Variants in GRIA4 observed in about 807,000 individuals in gnomAD.
GRIA4 encodes the protein glutamate receptor 4.
A neutral mutation model predicts 104.0 loss-of-function variants in GRIA4; 34 were observed. The observed-to-expected ratio is 0.33, with a 90% CI of 0.25 to 0.44. The LOEUF is 0.44. Ranked by LOEUF, GRIA4 falls within the 20% of genes least tolerant of loss-of-function variation. GRIA4 has a pLI of 1.00. For missense variants in GRIA4, 750 were observed against 1,096.5 expected (o/e 0.68, Z 4.46); for synonymous variants, 386 against 381.9 (o/e 1.01, Z -0.13).
chr11:105,713,857 G>A (rs1210090628), intron 3 of GRIA4, among the ~76,000 whole-genome samples: 1 of 152,152 alleles, frequency 6.6e-6, no homozygotes, highest in Non-Finnish European at 1.5e-5. Flanking sequence ...ATTAACAACA[G>A]ACCCAGAGGA....
At chr11:105,880,814 C>A (rs1031161616) in intron 5 of GRIA4, among the ~76,000 whole-genome samples, 14 of 152,032 alleles carry the variant, frequency 9.2e-5, no homozygotes, top group African/African-American at 3.1e-4. Context: ...CTTATGCAAC[C>A]TGAGTTTTTA....
At chr11:105,769,440 A>C (rs189981404) in intron 4 of GRIA4, among the ~76,000 whole-genome samples, 133 of 152,174 alleles carry the variant, frequency 8.7e-4, no homozygotes, top group Middle Eastern at 6.8e-3. Flanking sequence ...CATGAGTATG[A>C]TATATTATGC....
chr11:105,827,262 T>A (rs989724355), intron 4 of GRIA4, among the ~76,000 whole-genome samples: 1 of 151,994 alleles, frequency 6.6e-6, no homozygotes, highest in Non-Finnish European at 1.5e-5. Context: ...AGACTAAGAA[T>A]CAAGAAAATA....
intron 4 of GRIA4, among the ~76,000 whole-genome samples, chr11:105,788,867 C>T (rs1447445532): frequency 6.6e-6 from 1 of 152,152 alleles, no homozygotes; most frequent in East Asian, 1.9e-4. Flanking sequence ...AGATTCAACT[C>T]TCCCTTGAAA....
At chr11:105,617,086 A>G (rs1950619487) in intron 3 of GRIA4, among the ~76,000 whole-genome samples, 1 of 149,816 alleles carries the variant, frequency 6.7e-6, no homozygotes, top group Non-Finnish European at 1.5e-5. Flanking sequence ...AGGAGGAAAT[A>G]TTTTACATCC....
intron 3 of GRIA4, among the ~76,000 whole-genome samples, chr11:105,687,981 T>C (rs1952938937): frequency 6.6e-6 from 1 of 152,168 alleles, no homozygotes; most frequent in Admixed American, 6.5e-5. Context: ...AAATTTTTAA[T>C]CATGATTCAA....
chr11:105,780,610 T>C (rs986727498), intron 4 of GRIA4, among the ~76,000 whole-genome samples: 2 of 152,112 alleles, frequency 1.3e-5, no homozygotes, highest in Non-Finnish European at 2.9e-5. Flanking sequence ...TTAATGTAGA[T>C]ATAAAGAAAA....
chr11:105,932,273 G>A (rs1591459734), intron 13 of GRIA4, among the ~76,000 whole-genome samples: 1 of 152,048 alleles, frequency 6.6e-6, no homozygotes, highest in Non-Finnish European at 1.5e-5. Flanking sequence ...TTAGTAGCTG[G>A]GACTACAGGC....
At chr11:105,650,620 A>G (rs1951660110) in intron 3 of GRIA4, among the ~76,000 whole-genome samples, 2 of 152,172 alleles carry the variant, frequency 1.3e-5, no homozygotes, top group African/African-American at 4.8e-5. Context: ...TGTGCATAAG[A>G]ATCTCTAGTT....
intron 14 of GRIA4, among the ~76,000 whole-genome samples, chr11:105,948,455 C>A (rs1202371178): frequency 6.6e-6 from 1 of 151,998 alleles, no homozygotes; most frequent in East Asian, 1.9e-4. Flanking sequence ...AATCTCAAAC[C>A]ACAGTTGACA....
At chr11:105,619,906 T>C (rs1950698153) in intron 3 of GRIA4, among the ~76,000 whole-genome samples, 1 of 151,886 alleles carries the variant, frequency 6.6e-6, no homozygotes, top group South Asian at 2.1e-4. Flanking sequence ...TTTAATGAAA[T>C]CCATCTCTAC....
intron 6 of GRIA4, among the ~76,000 whole-genome samples, chr11:105,892,425 ATAAT>A (rs1284240664): frequency 6.6e-6 from 1 of 152,112 alleles, no homozygotes; most frequent in Non-Finnish European, 1.5e-5. Context: ...TTCTGGATAT[ATAAT>A]TAAAGATGAA....
At chr11:105,927,427 A>G (rs1947738390) in intron 13 of GRIA4, among the ~76,000 whole-genome samples, 1 of 152,126 alleles carries the variant, frequency 6.6e-6, no homozygotes, top group Non-Finnish European at 1.5e-5. Context: ...TCACAGCAAC[A>G]TATTTGCTTT....
intron 4 of GRIA4, among the ~76,000 whole-genome samples, chr11:105,829,691 G>A (rs1249117244): frequency 1.3e-5 from 2 of 151,900 alleles, no homozygotes; most frequent in Non-Finnish European, 2.9e-5. Flanking sequence ...TGTCTGTTTG[G>A]GGAGAAGTTT....
rs148725532 is a variant in GRIA4, at chr11:105,863,391, A to AATATATAT, written c.672+1193_672+1200dup. On this transcript the variant is annotated intron_variant, in intron 5 of 16. Coordinates refer to ENST00000282499, the MANE Select transcript of GRIA4 (RefSeq NM_000829.4). ...CGTCCCTTTGTAGAAGAAAAAGCTA[A>AATATATAT]ATATATATATATATATACTGAAGAA... Among the ~76,000 whole-genome samples, 582 of 148,860 alleles carry AATATATAT rather than the reference A, an allele frequency of 3.9e-3. 9 individuals carry two copies. Among genetic ancestry groups the AATATATAT allele is most frequent in the African/African-American group, 0.013 (533 of 40,502 alleles).
intron 3 of GRIA4, among the ~76,000 whole-genome samples, chr11:105,647,437 A>G (rs1455646438): frequency 6.6e-6 from 1 of 152,150 alleles, no homozygotes; most frequent in Non-Finnish European, 1.5e-5. Context: ...CAGCCCCATT[A>G]TTGGGTATAT....
intron 4 of GRIA4, among the ~76,000 whole-genome samples, chr11:105,761,044 C>A (rs1420460461): frequency 6.6e-6 from 1 of 152,102 alleles, no homozygotes; most frequent in African/African-American, 2.4e-5. Flanking sequence ...TTTCTGACTG[C>A]TTAACCTAAT....
chr11:105,731,970 A>G (rs1938622787), intron 3 of GRIA4, among the ~76,000 whole-genome samples: 1 of 152,152 alleles, frequency 6.6e-6, no homozygotes. Flanking sequence ...GCGCATGTAT[A>G]CCTATGCAAC....
intron 3 of GRIA4, among the ~76,000 whole-genome samples, chr11:105,618,727 C>G (rs947346467): frequency 3.3e-5 from 5 of 151,866 alleles, no homozygotes; most frequent in Non-Finnish European, 7.4e-5. Context: ...GAGCTGAAGA[C>G]AGATGATCAG....
Sources: allele counts gnomAD v4.1 joint callset (sites outside exome capture counted in the v4.1 genomes callset), GRCh38; gene constraint gnomAD v4.1.1; transcripts MANE v1.5; gene names NCBI Gene and HGNC (gene_info 2026-07-23, HGNC 2026-07-21).